PRR5: variants seen among roughly 807,000 people sequenced by gnomAD.
PRR5 encodes proline rich 5, also known as proline-rich protein 5.
Under a neutral mutation model 30.6 loss-of-function variants are expected in PRR5, and 25 were observed. The observed-to-expected ratio is 0.82, with a 90% confidence interval of 0.60 to 1.14. The LOEUF is 1.14. Among genes scored for constraint, PRR5 ranks in the 50% most tolerant of loss-of-function variants. The pLI, the probability that PRR5 is intolerant of heterozygous loss-of-function variation, is 0.00. For missense variants in PRR5, 600 were observed against 547.1 expected (o/e 1.10, Z -0.96); for synonymous variants, 286 against 247.1 (o/e 1.16, Z -1.48).
chr22:44,730,723 CTCT>C (rs1921796984), intron 4 of PRR5: 1 of 955,276 alleles, frequency 1.0e-6, no homozygotes, highest in Non-Finnish European at 1.3e-6. Context: ...CCTCTGCACC[CTCT>C]TCTTCCTTCG....
chr22:44,697,030 C>A (rs1030313785), intron 1 of PRR5, among the ~76,000 whole-genome samples: 5 of 152,190 alleles, frequency 3.3e-5, no homozygotes, highest in Non-Finnish European at 5.9e-5. Flanking sequence ...AGCCACCACA[C>A]CCGGCCAGGA....
upstream of PRR5, among the ~76,000 whole-genome samples, chr22:44,700,684 C>G (rs564210777): frequency 2.7e-4 from 41 of 152,274 alleles, no homozygotes; most frequent in African/African-American, 9.6e-4. Context: ...CTGTTGCTGC[C>G]TGTGGGCCCC....
chr22:44,706,428 G>A (rs111848922), intron 1 of PRR5, among the ~76,000 whole-genome samples: 11 of 152,320 alleles, frequency 7.2e-5, no homozygotes, highest in African/African-American at 2.6e-4. Context: ...CTTAGTGCTG[G>A]GAGGAAAGCA....
chr22:44,714,465 A>G, intron 1 of PRR5, 126 bp from the exon 2 acceptor site: 1 of 1,346,330 alleles, frequency 7.4e-7, no homozygotes, highest in Non-Finnish European at 1.0e-6. Flanking sequence ...AGTGGGTGTG[A>G]GCAGGGTCCT....
intron 6 of PRR5, among the ~76,000 whole-genome samples, chr22:44,732,941 A>G (rs1266704956): frequency 9.9e-6 from 1 of 101,174 alleles, no homozygotes; most frequent in Non-Finnish European, 2.6e-5. Context: ...CATACTACAC[A>G]CGTGTGCACA....
chr22:44,678,324 C>CTTTTT (rs113676116), intron 1 of PRR5, among the ~76,000 whole-genome samples: 1 of 130,686 alleles, frequency 7.7e-6, no homozygotes, highest in African/African-American at 2.9e-5. Context: ...TCTGCTGGCT[C>CTTTTT]TTTTTTTTTT....
At chr22:44,730,639 C>G in intron 4 of PRR5, 1 of 1,030,882 alleles carries the variant, frequency 9.7e-7, no homozygotes, top group Non-Finnish European at 1.2e-6. Flanking sequence ...TGTCCCCATA[C>G]CACTACGTCT....
At chr22:44,689,896 G>T (rs767374114) in intron 1 of PRR5, among the ~76,000 whole-genome samples, 2 of 152,164 alleles carry the variant, frequency 1.3e-5, no homozygotes, top group African/African-American at 4.8e-5. Context: ...TGATCTGCCC[G>T]CCTCGGCTTC....
chr22:44,708,998 G>GTA (rs1434183824), intron 1 of PRR5, among the ~76,000 whole-genome samples: 1 of 148,434 alleles, frequency 6.7e-6, no homozygotes, highest in African/African-American at 2.5e-5. Flanking sequence ...AAAAAAGAAG[G>GTA]TACAAGGACT....
intron 1 of PRR5, among the ~76,000 whole-genome samples, chr22:44,703,718 C>T (rs1265761076): frequency 2.0e-5 from 3 of 152,192 alleles, no homozygotes; most frequent in Non-Finnish European, 4.4e-5. Context: ...TGCACAGTGT[C>T]TTAAGAGCTG....
At chr22:44,732,655 C>G (rs1040409653) in intron 6 of PRR5, among the ~76,000 whole-genome samples, 1 of 152,176 alleles carries the variant, frequency 6.6e-6, no homozygotes, top group Non-Finnish European at 1.5e-5. Flanking sequence ...GGGCTGTGCC[C>G]ACCCCCAGCA....
chr22:44,674,700 C>T (rs1006766259), upstream of PRR5, among the ~76,000 whole-genome samples: 18 of 150,728 alleles, frequency 1.2e-4, no homozygotes, highest in Non-Finnish European at 2.4e-4. Context: ...GCCTGGGCGA[C>T]AGAGAGAGAC....
intron 6 of PRR5, among the ~76,000 whole-genome samples, chr22:44,733,161 G>T (rs1259954921): frequency 6.6e-6 from 1 of 152,120 alleles, no homozygotes; most frequent in Non-Finnish European, 1.5e-5. Flanking sequence ...CACAGCAGGT[G>T]GGGAGAGGTG....
At chr22:44,700,777 A>G (rs1013145900), upstream of PRR5, among the ~76,000 whole-genome samples, 6 of 152,174 alleles carry the variant, frequency 3.9e-5, no homozygotes, top group Admixed American at 1.3e-4. Flanking sequence ...CCCAAAGACG[A>G]TGGTATTTAT....
intron 1 of PRR5, chr22:44,679,746 C>T: frequency 6.9e-7 from 1 of 1,450,936 alleles, no homozygotes; most frequent in African/African-American, 1.4e-5. Context: ...ACTCAGCCTC[C>T]CCGCTCTGGG....
intron 1 of PRR5, among the ~76,000 whole-genome samples, chr22:44,713,964 C>T (rs1409738354): frequency 1.3e-5 from 2 of 152,208 alleles, no homozygotes; most frequent in Non-Finnish European, 2.9e-5. Flanking sequence ...CCATCGCGCC[C>T]TGCTGATTTT....
intron 1 of PRR5, among the ~76,000 whole-genome samples, chr22:44,709,771 GAAC>G (rs536452330): frequency 4.1e-4 from 62 of 152,170 alleles, no homozygotes; most frequent in Non-Finnish European, 8.4e-4. Flanking sequence ...AGAATCGCTT[GAAC>G]CCAGGAGGCA....
chr22:44,735,244 C>T, intron 7 of PRR5, 82 bp downstream of exon 7: 1 of 1,445,068 alleles, frequency 6.9e-7, no homozygotes, highest in Non-Finnish European at 9.3e-7. Flanking sequence ...AAGCCGAGGC[C>T]CCACGACAGA....
chr22:44,719,671 T>A (rs73889705), intron 2 of PRR5, among the ~76,000 whole-genome samples: 1 of 152,132 alleles, frequency 6.6e-6, no homozygotes, highest in Non-Finnish European at 1.5e-5. Context: ...TAGCGTCCCA[T>A]GTGGCTCATA....
Sources: allele counts gnomAD v4.1 joint callset (sites outside exome capture counted in the v4.1 genomes callset), GRCh38; gene constraint gnomAD v4.1.1; transcripts MANE v1.5; gene names NCBI Gene and HGNC (gene_info 2026-07-23, HGNC 2026-07-21).